The following RNF14 variants were observed in gnomAD, a reference collection of about 807,000 sequenced individuals.
RNF14 encodes the protein E3 ubiquitin-protein ligase RNF14.
A neutral mutation model predicts 52.6 loss-of-function variants in RNF14; 26 were observed. That is an observed-to-expected ratio of 0.49 (90% CI 0.36 to 0.69). The LOEUF is 0.69. RNF14 is among the 30% of genes least tolerant of loss of function. The pLI is 0.00. For synonymous variants in RNF14, 194 were observed against 202.0 expected, an observed-to-expected ratio of 0.96 and a Z score of 0.34; for missense variants, 404 against 560.4, an observed-to-expected ratio of 0.72 and a Z score of 2.82.
chr5:141,981,386 G>A (rs775072556), intron 6 of RNF14, among the ~76,000 whole-genome samples: 1 of 152,126 alleles, frequency 6.6e-6, no homozygotes, highest in Non-Finnish European at 1.5e-5. Context: ...GCTACAGCAG[G>A]AGGATCTTTT....
At chr5:141,979,440 C>T (rs981194480) in intron 5 of RNF14, among the ~76,000 whole-genome samples, 2 of 152,060 alleles carry the variant, frequency 1.3e-5, no homozygotes, top group Non-Finnish European at 2.9e-5. Flanking sequence ...TTAGTAGAGA[C>T]GGGGTTTCAC....
At chr5:141,976,667 G>A (rs1754281480) in intron 4 of RNF14, among the ~76,000 whole-genome samples, 1 of 151,894 alleles carries the variant, frequency 6.6e-6, no homozygotes, top group Non-Finnish European at 1.5e-5. Flanking sequence ...ACAGAGGGAA[G>A]TGGTTTTAGT....
chr5:141,986,420 G>A (rs1164788390), intron 8 of RNF14, among the ~76,000 whole-genome samples: 1 of 152,216 alleles, frequency 6.6e-6, no homozygotes, highest in Non-Finnish European at 1.5e-5. Context: ...GAGGGTGCAA[G>A]GACTGTGAAG....
chr5:141,951,314 T>C, the RNF14 span, among the ~76,000 whole-genome samples: 1 of 152,138 alleles, frequency 6.6e-6, no homozygotes, highest in Non-Finnish European at 1.5e-5. Context: ...GTAAATACTA[T>C]CAATACAGTC....
At position 141,988,034 on chromosome 5, in the gene RNF14, A is replaced by C. The variant is rs552801982; in HGVS notation, c.*244A>C. 1.7e-5 allele frequency: 8 copies of C among 481,326 alleles called. No homozygotes were observed. The highest frequency in any genetic ancestry group is 1.5e-4 in the African/African-American group (8 of 52,000). The allele number at this position is 481,326 out of a possible 1,614,324, so 29.8% of individuals were successfully genotyped here. Reference sequence around the variant, plus strand: ...AGAAAATTAAACTACAGAATATTAAATATTATAATGTGCCCAAAGCTCTGA... The same window carrying C: ...AGAAAATTAAACTACAGAATATTAACTATTATAATGTGCCCAAAGCTCTGA... On this transcript the variant is annotated 3_prime_UTR_variant, in exon 9 of 9. Coordinates refer to ENST00000394520, the MANE Select transcript of RNF14 (RefSeq NM_004290.5).
At position 141,969,145 on chromosome 5, in the gene RNF14, C is replaced by G. The variant is rs1487166980; in HGVS notation, c.-203C>G. ...GGCGCGCCGGTTGAGCAGGGCGTCT[C>G]TAGGCCTGGTCGGCTGGCGGCGGTG... On this transcript the variant is annotated 5_prime_UTR_variant, in exon 1 of 9. Coordinates refer to ENST00000394520, the MANE Select transcript of RNF14 (RefSeq NM_004290.5). 6.5e-6 allele frequency: 1 copy of G among 152,954 alleles called. No individual in the cohort carries two copies. Among genetic ancestry groups the G allele is most frequent in the Admixed American group, 6.5e-5 (1 of 15,296 alleles). The allele number at this position is 152,954 out of a possible 1,614,324, so 9.5% of individuals were successfully genotyped here. A position where few individuals can be genotyped will look rare whatever the true frequency, so the allele number is the denominator to read the frequency against.
At chr5:141,971,561 C>A (rs1023637581) in intron 2 of RNF14, among the ~76,000 whole-genome samples, 1 of 31,978 alleles carries the variant, frequency 3.1e-5, no homozygotes, top group East Asian at 5.8e-3. Flanking sequence ...TAGCTAATTT[C>A]TTTTTCTTTC....
At chr5:141,954,931 C>T (rs1277891906), upstream of RNF14, 1 of 1,578,126 alleles carries the variant, frequency 6.3e-7, no homozygotes. Flanking sequence ...TTCTGGTGGT[C>T]CAGGAGTGAC....
rs1754439323 is a variant in RNF14 at position 141,978,297 on chromosome 5, TC to T, written c.307-4del. ...CTCACCAACATCTTCATGTGTTTTC[TC>T]CTAGCTATCTGCTCTATGCAAGCAC... On this transcript the variant is annotated splice_polypyrimidine_tract_variant and splice_region_variant and intron_variant, in intron 4 of 8. Coordinates refer to ENST00000394520, the MANE Select transcript of RNF14 (RefSeq NM_004290.5). The T allele has an allele frequency of 6.4e-7, 1 of 1,558,638 alleles. No homozygotes were observed. Among genetic ancestry groups the T allele is most frequent in the Admixed American group, 1.9e-5 (1 of 51,998 alleles).
At chr5:141,950,325 G>T in the RNF14 span, among the ~76,000 whole-genome samples, 1 of 152,170 alleles carries the variant, frequency 6.6e-6, no homozygotes, top group Non-Finnish European at 1.5e-5. Context: ...AGGCGTAGGA[G>T]TCCTTCTGTT....
At position 141,988,359 on chromosome 5, in the gene RNF14, T is replaced by G. The variant is rs1454785372; in HGVS notation, c.*569T>G. 1 of 152,416 alleles carries G rather than the reference T, an allele frequency of 6.6e-6. No homozygotes were observed. Among genetic ancestry groups the G allele is most frequent in the Non-Finnish European group, 1.5e-5 (1 of 68,094 alleles). The allele number at this position is 152,416 out of a possible 1,614,324, so 9.4% of individuals were successfully genotyped here. A position where few individuals can be genotyped will look rare whatever the true frequency, so the allele number is the denominator to read the frequency against. On this transcript the variant is annotated 3_prime_UTR_variant, in exon 9 of 9. Transcript: ENST00000394520. Reference sequence around the variant, plus strand: ...TAACTGACTGGATGGTCCAGTGTCATTTTGATCTGCTTTTCAGAATGGAAA... The same window carrying G: ...TAACTGACTGGATGGTCCAGTGTCAGTTTGATCTGCTTTTCAGAATGGAAA...
intron 4 of RNF14, among the ~76,000 whole-genome samples, chr5:141,977,878 AC>A (rs1754403382): frequency 6.6e-6 from 1 of 152,268 alleles, no homozygotes; most frequent in African/African-American, 2.4e-5. Flanking sequence ...ATTCTAGGAT[AC>A]GAACAGGGCT....
chr5:141,977,116 TG>T (rs1481158266), intron 4 of RNF14, among the ~76,000 whole-genome samples: 1 of 152,240 alleles, frequency 6.6e-6, no homozygotes, highest in African/African-American at 2.4e-5. Flanking sequence ...GAGAAGGGAC[TG>T]GGGTAGAAAA....
At chr5:141,954,337 A>T (rs1015791300), upstream of RNF14, among the ~76,000 whole-genome samples, 1 of 152,236 alleles carries the variant, frequency 6.6e-6, no homozygotes, top group Non-Finnish European at 1.5e-5. Context: ...CCTTCTTCAT[A>T]GGGAAGTTGC....
At chr5:141,957,748 T>G, upstream of RNF14, 1 of 1,613,086 alleles carries the variant, frequency 6.2e-7, no homozygotes, top group Non-Finnish European at 8.5e-7. This position sits in a 1 kb window ranked among gnomAD's most constrained non-coding sequence, Gnocchi z 4.3. Flanking sequence ...CTCTGACACT[T>G]GGTATTTCAC....
rs1333624615 is a variant in RNF14, at chr5:141,984,875, C to G, written c.1309C>G (p.Leu437Val). 3 of 1,613,738 alleles carry G rather than the reference C, an allele frequency of 1.9e-6. No individual in the cohort carries two copies. The highest frequency in any genetic ancestry group is 1.3e-5 in the African/African-American group (1 of 75,040). ...QYFCWICMGS[L>V]SRANPYKHFN... is the part of the protein sequence containing the mutation. ...TTTCTGTTGGATTTGCATGGGTTCT[C>G]TCTCTAGAGCAAACCCTTACAAACA... Residue 437 changes from leucine (L) to valine (V), a missense_variant, in exon 8 of 9, where the codon CTC becomes GTC. Coordinates refer to ENST00000394520, the MANE Select transcript of RNF14 (RefSeq NM_004290.5).
chr5:141,951,689 C>T, the RNF14 span: 4 of 863,906 alleles, frequency 4.6e-6, no homozygotes, highest in Non-Finnish European at 7.8e-6. Context: ...TTTTTATAGT[C>T]TTTCCTCTGG....
intron 8 of RNF14, 25 bp downstream of exon 8, chr5:141,984,958 G>A: frequency 6.3e-7 from 1 of 1,591,480 alleles, no homozygotes. Context: ...AATTCCTCAG[G>A]CTCACCAGCA....
At chr5:141,955,331 CCT>C (rs1252931294), upstream of RNF14, 1 of 1,614,208 alleles carries the variant, frequency 6.2e-7, no homozygotes, top group Non-Finnish European at 8.5e-7. The surrounding 1 kb of genome is among the most constrained non-coding windows in gnomAD (Gnocchi z 5.5). Flanking sequence ...TCTTGCAGCA[CCT>C]CTCGGCTCTC....
Sources: gnomAD v4.1 joint callset for allele counts (sites outside exome capture counted in the v4.1 genomes callset) on GRCh38, gnomAD v4.1.1 for gene constraint, Gnocchi (gnomAD v3.1) non-coding constraint, MANE v1.5 for transcripts, NCBI Gene and HGNC (gene_info 2026-07-23, HGNC 2026-07-21) for gene names.